LPAR4: variants seen among roughly 807,000 people sequenced by gnomAD.
The protein encoded by LPAR4 is G-protein coupled receptor 23.
LPAR4 carries 14 observed loss-of-function variants against 9.2 expected under a neutral mutation model. The ratio of observed to expected loss-of-function variants is 1.51; its 90% CI spans 1.00 to 2.37. The LOEUF (loss-of-function observed/expected upper bound fraction) is 2.37. Ranked by LOEUF, LPAR4 falls within the 30% of genes most tolerant of loss-of-function variation. The pLI is 0.00. For synonymous variants in LPAR4, 131 were observed against 97.9 expected (o/e 1.34, Z -1.99); for missense variants, 251 against 272.1 (o/e 0.92, Z 0.55).
intron 2 of LPAR4, among the ~76,000 whole-genome samples, 181 bp from the exon 3 acceptor site, chrX:78,750,549 A>G (rs1315902984): frequency 1.8e-5 from 2 of 111,445 alleles, no homozygotes; most frequent in Admixed American, 9.5e-5. Flanking sequence ...TATATTGGGT[A>G]GGCCTAGGAC....
rs189641993 is a variant in LPAR4 at position 78,754,143 on chromosome X, G to A, written c.-79-648G>A. Among the ~76,000 whole-genome samples, 277 of 111,179 alleles carry A rather than the reference G, an allele frequency of 2.5e-3. 2 individuals carry two copies. The highest frequency in any genetic ancestry group is 8.7e-3 in the African/African-American group (265 of 30,578). On this transcript the variant is annotated intron_variant, in intron 4 of 4. Transcript: ENST00000614823. ...TGTAGTATACATATATTAAAACATC[G>A]CCTCGTACTTACATAAATGTAGTTC...
chrX:78,753,138 T>C (rs1264871297), intron 4 of LPAR4, among the ~76,000 whole-genome samples: 1 of 111,886 alleles, frequency 8.9e-6, no homozygotes, highest in East Asian at 2.8e-4. Flanking sequence ...AGCAGAGGTT[T>C]GCAGAAGACA....
At chrX:78,753,688 C>T (rs1047398496) in intron 4 of LPAR4, among the ~76,000 whole-genome samples, 1 of 112,256 alleles carries the variant, frequency 8.9e-6, no homozygotes, top group Admixed American at 9.4e-5. Flanking sequence ...TTCACAAGCC[C>T]TATTGAATCT....
Position 78,758,102 on chromosome X carries a change from GT to G in LPAR4, c.*2121del, listed in dbSNP as rs1293773640. Among the ~76,000 whole-genome samples, 1 of 111,538 alleles carries G rather than the reference GT, an allele frequency of 9.0e-6. No homozygotes were observed. Among genetic ancestry groups the G allele is most frequent in the East Asian group, 2.8e-4 (1 of 3,588 alleles). On this transcript the variant is annotated 3_prime_UTR_variant, in exon 5 of 5. Coordinates refer to ENST00000614823, the MANE Select transcript of LPAR4 (RefSeq NM_001278000.3). ...AAAGTGAAAAAATGCTAAAACAATA[GT>G]AAAAACAAATTCTTAAAACTGGCAT...
rs919950570 is a variant in LPAR4 at position 78,757,127 on chromosome X, C to A, written c.*1145C>A. 1.7e-5 allele frequency: 2 copies of A among 117,324 alleles called. No homozygotes were observed. The highest frequency in any genetic ancestry group is 2.9e-4 in the East Asian group (1 of 3,460). The allele number at this position is 117,324 out of a possible 1,213,427, so 9.7% of individuals were successfully genotyped here. ...ACTAAACCAAACCAAAACAAAAAAA[C>A]CAGAGAACCCCAAGAAAAATAAAAA... On this transcript the variant is annotated 3_prime_UTR_variant, in exon 5 of 5. Coordinates refer to ENST00000614823, the MANE Select transcript of LPAR4 (RefSeq NM_001278000.3).
intron 1 of LPAR4, among the ~76,000 whole-genome samples, chrX:78,749,541 A>G (rs1325286189): frequency 9.0e-6 from 1 of 111,230 alleles, no homozygotes; most frequent in East Asian, 2.8e-4. Flanking sequence ...AACAGGTGGG[A>G]AGGGTTGAGG....
Position 78,754,807 on chromosome X carries a change from A to G in LPAR4, c.-63A>G. 1.0e-6 allele frequency: 1 copy of G among 976,648 alleles called. No homozygotes were observed. Among genetic ancestry groups the G allele is most frequent in the Non-Finnish European group, 1.4e-6 (1 of 721,167 alleles). 80.5% of individuals were successfully genotyped at this position (976,648 alleles called of 1,213,427 possible). On this transcript the variant is annotated 5_prime_UTR_variant, in exon 5 of 5. Coordinates refer to ENST00000614823, the MANE Select transcript of LPAR4 (RefSeq NM_001278000.3). ...CTCTCATAGGAGGAAAATATTTCCT[A>G]CCGGTCCATAGTGTCAGAGTGGTGA...
rs750244981 is a variant in LPAR4, at chrX:78,755,384, CA to C, written c.516del (p.Ala173ProfsTer45). 8.3e-7 allele frequency: 1 copy of C among 1,210,593 alleles called. No homozygotes were observed. The highest frequency in any genetic ancestry group is 3.0e-5 in the East Asian group (1 of 33,810). ...VWILVLSGGISASLFSTTNVN... is the reference protein window; with the variant it reads ...VWILVLSGGIXASLFSTTNVN... The stretch of plus-strand genomic sequence containing the variant: ...ATCCTAGTCCTCAGTGGCGGTATTT[CA>C]GCCTCTTTGTTTTCCACCACTAATG... On this transcript the variant is annotated frameshift_variant, in exon 5 of 5. Coordinates refer to ENST00000614823, the MANE Select transcript of LPAR4 (RefSeq NM_001278000.3). LOFTEE classifies it high-confidence loss of function.
Position 78,754,852 on chromosome X carries a change from C to A in LPAR4, c.-18C>A. ...TGGTGAACCCCTGCAGCCAGCAGGC[C>A]TCCTGAAAAAAAAGTCCATGGGTGA... On this transcript the variant is annotated 5_prime_UTR_variant, in exon 5 of 5. Coordinates refer to ENST00000614823, the MANE Select transcript of LPAR4 (RefSeq NM_001278000.3). 1 of 1,171,289 alleles carries A rather than the reference C, an allele frequency of 8.5e-7. No homozygotes were observed. The highest frequency in any genetic ancestry group is 1.1e-6 in the Non-Finnish European group (1 of 875,453).
At chrX:78,753,038 C>T (rs909261043) in intron 4 of LPAR4, among the ~76,000 whole-genome samples, 1 of 111,449 alleles carries the variant, frequency 9.0e-6, no homozygotes, top group African/African-American at 3.3e-5. Context: ...TCAACCTCCA[C>T]GGGACCTGCT....
At chrX:78,752,022 T>A (rs1472672983) in intron 4 of LPAR4, among the ~76,000 whole-genome samples, 8 of 110,081 alleles carry the variant, frequency 7.3e-5, no homozygotes, top group Non-Finnish European at 1.3e-4. Context: ...GAAAAAAAAA[T>A]ATCAAGTTAA....
chrX:78,756,469 G>A lies in LPAR4; in HGVS notation c.*487G>A, dbSNP rs918680191. ...GCCTAACATTATTAATAAGAAATGT[G>A]TCAAATTTTTAACATTGGTAAAATA... On this transcript the variant is annotated 3_prime_UTR_variant, in exon 5 of 5. Coordinates refer to ENST00000614823, the MANE Select transcript of LPAR4 (RefSeq NM_001278000.3). 1.6e-5 allele frequency: 2 copies of A among 123,114 alleles called. 1 individual carries two copies. The highest frequency in any genetic ancestry group is 3.7e-5 in the Non-Finnish European group (2 of 53,536). 10.1% of individuals were successfully genotyped at this position (123,114 alleles called of 1,213,427 possible).
At chrX:78,751,868 A>G (rs1211182964) in intron 4 of LPAR4, among the ~76,000 whole-genome samples, 1 of 111,335 alleles carries the variant, frequency 9.0e-6, no homozygotes, top group Non-Finnish European at 1.9e-5. Context: ...AGTACTAGGG[A>G]AAATTCTACT....
rs898585333 is a variant in LPAR4, at chrX:78,747,954, C to T, written c.-375C>T. ...GATAAAAATATGCACTTCCAAAGGG[C>T]GAGTTGCCCATTTACATGTTTATTA... On this transcript the variant is annotated 5_prime_UTR_variant, in exon 1 of 5. Transcript: ENST00000614823. The T allele has an allele frequency of 4.9e-4, 49 of 100,117 alleles. No homozygotes were observed. The highest frequency in any genetic ancestry group is 1.9e-3 in the African/African-American group (49 of 26,361). 8.3% of individuals were successfully genotyped at this position (100,117 alleles called of 1,213,427 possible). A position where few individuals can be genotyped will look rare whatever the true frequency, so the allele number is the denominator to read the frequency against.
intron 4 of LPAR4, among the ~76,000 whole-genome samples, chrX:78,752,050 T>C (rs768715175): frequency 1.1e-4 from 12 of 111,162 alleles, no homozygotes; most frequent in African/African-American, 3.3e-4. Context: ...GAACAGGATT[T>C]TATCAAATTG....
In LPAR4 at chrX:78,757,958, CAT is replaced by C. The variant is rs1925375723; in HGVS notation, c.*1977_*1978del. 9.0e-6 allele frequency among the ~76,000 whole-genome samples: 1 copy of C among 111,642 alleles called. No homozygotes were observed. The highest frequency in any genetic ancestry group is 1.9e-5 in the Non-Finnish European group (1 of 52,962). On this transcript the variant is annotated 3_prime_UTR_variant, in exon 5 of 5. Transcript: ENST00000614823. ...AAACAATAAGCAAATTTTTAAAACT[CAT>C]TAACTTGTTTTTCTTTCTGATGATA...
chrX:78,755,638 G>C lies in LPAR4; in HGVS notation c.769G>C (p.Val257Leu). The change falls in exon 5 of 5, where the codon GTC becomes CTC. Residue 257 changes from valine to leucine, a missense_variant. Coordinates refer to ENST00000614823, the MANE Select transcript of LPAR4 (RefSeq NM_001278000.3). Reference sequence around the variant, plus strand: ...GAAAATGATCACAGTACATATGGCAGTCTTTGTGGTATGCTTTGTACCCTA... The same window carrying C: ...GAAAATGATCACAGTACATATGGCACTCTTTGTGGTATGCTTTGTACCCTA... ...VLKMITVHMA[V>L]FVVCFVPYNS... 2.5e-6 allele frequency: 3 copies of C among 1,209,435 alleles called. No homozygotes were observed. The highest frequency in any genetic ancestry group is 3.4e-6 in the Non-Finnish European group (3 of 893,759).
chrX:78,754,083 A>G (rs1460765882), intron 4 of LPAR4, among the ~76,000 whole-genome samples: 1 of 111,974 alleles, frequency 8.9e-6, no homozygotes, highest in Non-Finnish European at 1.9e-5. Context: ...AAGTGAGGGG[A>G]TGGATGTGTT....
At position 78,756,544 on chromosome X, in the gene LPAR4, G is replaced by T. The variant is rs907389735; in HGVS notation, c.*562G>T. 3 of 122,399 alleles carry T rather than the reference G, an allele frequency of 2.5e-5. No individual in the cohort carries two copies. The highest frequency in any genetic ancestry group is 9.6e-5 in the Admixed American group (1 of 10,366). 10.1% of individuals were successfully genotyped at this position (122,399 alleles called of 1,213,427 possible). A position where few individuals can be genotyped will look rare whatever the true frequency, so the allele number is the denominator to read the frequency against. Reference sequence around the variant, plus strand: ...AAACAAATTGCGTTGGCATGTACGTGGGTGGGAAGAAAAAGAAAATTAACA... The same window carrying T: ...AAACAAATTGCGTTGGCATGTACGTTGGTGGGAAGAAAAAGAAAATTAACA... On this transcript the variant is annotated 3_prime_UTR_variant, in exon 5 of 5. Transcript: ENST00000614823.
Sources: allele counts gnomAD v4.1 joint callset (sites outside exome capture counted in the v4.1 genomes callset), GRCh38; gene constraint gnomAD v4.1.1; transcripts MANE v1.5; gene names NCBI Gene and HGNC (gene_info 2026-07-23, HGNC 2026-07-21).